The following NSG1 variants were observed in gnomAD, a reference collection of about 807,000 sequenced individuals.
The protein encoded by NSG1 is neuronal vesicle trafficking associated 1.
In NSG1, 9 loss-of-function variants were observed where a neutral mutation model predicts 19.3. The observed-to-expected ratio is 0.47, with a 90% CI of 0.28 to 0.81. The LOEUF is 0.81. Ranked by LOEUF, NSG1 falls within the 40% of genes least tolerant of loss-of-function variation. The probability of loss-of-function intolerance (pLI) is 0.11; values close to 1 mark genes in which losing one functional copy is unlikely to be tolerated. For missense variants in NSG1, 236 were observed against 242.4 expected, an observed-to-expected ratio of 0.97 and a Z score of 0.18; for synonymous variants, 104 against 107.0, an observed-to-expected ratio of 0.97 and a Z score of 0.17.
chr4:4,394,624 C>A (rs1467318638), intron 3 of NSG1, among the ~76,000 whole-genome samples: 1 of 152,296 alleles, frequency 6.6e-6, no homozygotes, highest in East Asian at 1.9e-4. Flanking sequence ...AGAATGAATG[C>A]TTAGGGACTC....
intron 3 of NSG1, among the ~76,000 whole-genome samples, chr4:4,402,521 GGGACTAC>G (rs1252550410): frequency 2.0e-5 from 3 of 151,504 alleles, no homozygotes; most frequent in African/African-American, 4.8e-5. Context: ...CCAAGTAGCT[GGGACTAC>G]AGGCGTCCGC....
chr4:4,400,432 C>T (rs532507670), intron 3 of NSG1, among the ~76,000 whole-genome samples: 98 of 152,258 alleles, frequency 6.4e-4, no homozygotes, highest in African/African-American at 2.3e-3. Flanking sequence ...GTTTTGAAAA[C>T]AGTTTTGGCT....
intron 3 of NSG1, among the ~76,000 whole-genome samples, chr4:4,400,952 A>G (rs1442763148): frequency 6.6e-6 from 1 of 152,262 alleles, no homozygotes; most frequent in Non-Finnish European, 1.5e-5. Context: ...CATTTAAAAC[A>G]TCATTCTAAG....
chr4:4,390,546 G>T (rs1482284952), intron 2 of NSG1, among the ~76,000 whole-genome samples: 1 of 152,212 alleles, frequency 6.6e-6, no homozygotes, highest in East Asian at 1.9e-4. Flanking sequence ...CAATGAAGGG[G>T]CCTCGTCCCT....
At chr4:4,387,539 C>T (rs967875934) in intron 1 of NSG1, 65 bp from the exon 2 acceptor site, 8 of 1,015,848 alleles carry the variant, frequency 7.9e-6, no homozygotes, top group Admixed American at 6.9e-5. Flanking sequence ...GTGTGGGTGC[C>T]CACTTCCCCC....
At position 4,406,318 on chromosome 4, in the gene NSG1, C is replaced by T. The variant is rs541834809; in HGVS notation, c.247-3255C>T. On this transcript the variant is annotated intron_variant, in intron 3 of 4. Transcript: ENST00000621129. ...TTGGGATTACAGGCGTGAGCCACCA[C>T]GTCTGCCCCTGAAACCCTCTTCTAA... Among the ~76,000 whole-genome samples, 24 of 152,338 alleles carry T rather than the reference C, an allele frequency of 1.6e-4. 1 individual carries two copies. In the East Asian group the frequency reaches 2.5e-3, roughly 16 times the overall value.
chr4:4,399,737 C>T (rs2108736433), intron 3 of NSG1, among the ~76,000 whole-genome samples: 1 of 152,304 alleles, frequency 6.6e-6, no homozygotes, highest in East Asian at 1.9e-4. Flanking sequence ...TTGTGGAAGA[C>T]AGTTTTTGTA....
intron 4 of NSG1, 82 bp from the exon 5 acceptor site, chr4:4,417,153 G>T (rs1389798289): frequency 5.0e-6 from 6 of 1,189,608 alleles, no homozygotes; most frequent in Non-Finnish European, 7.5e-6. Flanking sequence ...AAGGTGCTCA[G>T]TAACTGTTGG....
chr4:4,407,234 G>A (rs763779179), intron 3 of NSG1, among the ~76,000 whole-genome samples: 26 of 152,316 alleles, frequency 1.7e-4, no homozygotes, highest in Middle Eastern at 3.4e-3. Flanking sequence ...GGCGGGAGAC[G>A]TGACTGAGGA....
In NSG1 at chr4:4,398,805, C is replaced by T. The variant is rs150585505; in HGVS notation, c.246+7214C>T. On this transcript the variant is annotated intron_variant, in intron 3 of 4. Transcript: ENST00000621129. Reference sequence around the variant, plus strand: ...GTTGAATTTTTGGGGGTATATGCCCCGGAGTAGAATTGCTGGGCTGTGTGG... The same window carrying T: ...GTTGAATTTTTGGGGGTATATGCCCTGGAGTAGAATTGCTGGGCTGTGTGG... 9.1e-4 allele frequency among the ~76,000 whole-genome samples: 138 copies of T among 152,224 alleles called. 3 individuals carry two copies. The highest frequency in any genetic ancestry group is 2.4e-3 in the African/African-American group (101 of 41,512).
intron 3 of NSG1, among the ~76,000 whole-genome samples, chr4:4,401,268 G>T (rs1723532340): frequency 6.6e-6 from 1 of 152,206 alleles, no homozygotes; most frequent in South Asian, 2.1e-4. Context: ...TCAGATGACT[G>T]CTTGTGCTGT....
Position 4,417,299 on chromosome 4 carries a change from A to G in NSG1, c.422A>G (p.Glu141Gly), listed in dbSNP as rs767411596. 6.2e-6 allele frequency: 10 copies of G among 1,614,026 alleles called. No homozygotes were observed. Among genetic ancestry groups the G allele is most frequent in the Non-Finnish European group, 8.5e-6 (10 of 1,180,052 alleles). The change falls in exon 5 of 5, where the codon GAG becomes GGG. Residue 141 changes from glutamate (E) to glycine (G), a missense_variant. Physicochemically the swap from Glu to Gly is moderately conservative, Grantham distance 98. Transcript: ENST00000621129. The stretch of plus-strand genomic sequence containing the variant: ...GCGGAGCAAGACTCCAGTGCCCGGG[A>G]GAAATTTTACACAGTCATAAACCAC... The part of the protein sequence containing the change: ...YYAEQDSSAR[E>G]KFYTVINHYN...
At chr4:4,408,862 G>C (rs7662285) in intron 3 of NSG1, among the ~76,000 whole-genome samples, 1 of 152,034 alleles carries the variant, frequency 6.6e-6, no homozygotes, top group African/African-American at 2.4e-5. Context: ...CCCATGCCCC[G>C]TGCCCTCCAG....
In NSG1 at chr4:4,402,500, G is replaced by A. The variant is rs1308588395; in HGVS notation, c.247-7073G>A. On this transcript the variant is annotated intron_variant, in intron 3 of 4. Coordinates refer to ENST00000621129, the MANE Select transcript of NSG1 (RefSeq NM_014392.5). ...CCTTCCGGGTTCACGCCATTCTCCT[G>A]CCTCAGCCTCCCAAGTAGCTGGGAC... Among the ~76,000 whole-genome samples, 6 of 144,900 alleles carry A rather than the reference G, an allele frequency of 4.1e-5. No homozygotes were observed. The East Asian group carries it at 6.5e-4, about 16-fold the overall frequency.
At position 4,418,810 on chromosome 4, in the gene NSG1, T is replaced by C. The variant is rs976420852; in HGVS notation, c.*1375T>C. The C allele has an allele frequency of 6.6e-6, 1 of 152,450 alleles. No individual in the cohort carries two copies. The highest frequency in any genetic ancestry group is 2.4e-5 in the African/African-American group (1 of 41,442). 9.4% of individuals were successfully genotyped at this position (152,450 alleles called of 1,614,324 possible). On this transcript the variant is annotated 3_prime_UTR_variant, in exon 5 of 5. Coordinates refer to ENST00000621129, the MANE Select transcript of NSG1 (RefSeq NM_014392.5). The stretch of plus-strand genomic sequence containing the variant: ...GTGTCTGGAGACACAGACCGTGACC[T>C]TGGCGCAGCGGTGTGCATCAGAGGC...
rs540368487 is a variant in NSG1, at chr4:4,416,100, ATTGAC to A, written c.358-1130_358-1126del. The A allele has an allele frequency of 4.0e-3, 2,828 of 702,314 alleles. 9 individuals are homozygous for A. The highest frequency in any genetic ancestry group is 6.0e-3 in the Non-Finnish European group (2,297 of 384,930). 43.5% of individuals were successfully genotyped at this position (702,314 alleles called of 1,614,324 possible). A position where few individuals can be genotyped will look rare whatever the true frequency, so the allele number is the denominator to read the frequency against. On this transcript the variant is annotated intron_variant, in intron 4 of 4. Coordinates refer to ENST00000621129, the MANE Select transcript of NSG1 (RefSeq NM_014392.5). ...GGCTTCTTTACTTGAGCCACTGTGC[ATTGAC>A]TTGAGTCCTCAGCAACACGGTGGTG... is the stretch of plus-strand genomic sequence containing the variant.
chr4:4,394,572 G>C (rs1461240000), intron 3 of NSG1, among the ~76,000 whole-genome samples: 1 of 152,122 alleles, frequency 6.6e-6, no homozygotes, highest in Admixed American at 6.5e-5. Flanking sequence ...CCGAGGAGGG[G>C]AACAAGGCCA....
chr4:4,408,724 T>C (rs1037786060), intron 3 of NSG1, among the ~76,000 whole-genome samples: 1 of 151,108 alleles, frequency 6.6e-6, no homozygotes, highest in Non-Finnish European at 1.5e-5. Flanking sequence ...CATCCCAAAG[T>C]GCTGGGATTA....
intron 1 of NSG1, 29 bp from the exon 2 acceptor site, chr4:4,387,575 G>T: frequency 6.7e-7 from 1 of 1,483,640 alleles, no homozygotes; most frequent in East Asian, 2.4e-5. Flanking sequence ...TCTTGCTTGT[G>T]GTGACTCCCC....
Sources: gnomAD v4.1 joint callset for allele counts (sites outside exome capture counted in the v4.1 genomes callset) on GRCh38, gnomAD v4.1.1 for gene constraint, MANE v1.5 for transcripts, NCBI Gene and HGNC (gene_info 2026-07-23, HGNC 2026-07-21) for gene names.